Variants in GRM4 observed in about 807,000 individuals in gnomAD.
GRM4 encodes the protein metabotropic glutamate receptor 4.
In GRM4, 28 loss-of-function variants were observed where a neutral mutation model predicts 81.7. The observed-to-expected ratio is 0.34, with a 90% CI of 0.25 to 0.47. The LOEUF (loss-of-function observed/expected upper bound fraction) is 0.47, where lower values mean the gene tolerates loss of function less well. Among genes scored for constraint, GRM4 ranks in the 20% least tolerant of loss-of-function variants. The probability of loss-of-function intolerance (pLI) is 1.00; values close to 1 mark genes in which losing one functional copy is unlikely to be tolerated. For missense variants in GRM4, 948 were observed against 1,290.0 expected, an observed-to-expected ratio of 0.73 and a Z score of 4.06; for synonymous variants, 488 against 528.8, an observed-to-expected ratio of 0.92 and a Z score of 1.06.
At chr6:34,057,712 A>G (rs1471514743) in intron 5 of GRM4, among the ~76,000 whole-genome samples, 1 of 152,160 alleles carries the variant, frequency 6.6e-6, no homozygotes, top group African/African-American at 2.4e-5. Flanking sequence ...CTGAGAGAAA[A>G]AGTACTTGTC....
chr6:34,131,951 A>T (rs1383179878), intron 2 of GRM4, among the ~76,000 whole-genome samples: 1 of 150,990 alleles, frequency 6.6e-6, no homozygotes, highest in African/African-American at 2.5e-5. Context: ...CTACACACAC[A>T]AACATGCACA....
At chr6:34,062,099 C>T (rs966494758) in intron 3 of GRM4, 71 bp from the exon 4 acceptor site, 3 of 1,509,226 alleles carry the variant, frequency 2.0e-6, no homozygotes, top group African/African-American at 2.7e-5. Context: ...TCCCAACATA[C>T]ACTCCGGGAG....
chr6:34,056,741 C>A, intron 5 of GRM4, 57 bp from the exon 6 acceptor site: 1 of 1,567,284 alleles, frequency 6.4e-7, no homozygotes, highest in Non-Finnish European at 8.7e-7. Flanking sequence ...CCAGCCCCAG[C>A]CCTCCCCGCC....
rs536484736 is a variant in GRM4 at position 34,020,304 on chromosome 6, C to T, written c.*2517G>A. On this transcript the variant is annotated 3_prime_UTR_variant, in exon 11 of 11. Coordinates refer to ENST00000538487, the MANE Select transcript of GRM4 (RefSeq NM_000841.4). ...GGAGAGGTGATTCTCCTGTTAGAAC[C>T]TAGATGGGGGCCCCACAGATGTAGG... is the stretch of plus-strand genomic sequence containing the variant. 6.6e-6 allele frequency: 1 copy of T among 152,368 alleles called. No individual in the cohort carries two copies. Among genetic ancestry groups the T allele is most frequent in the South Asian group, 2.1e-4 (1 of 4,834 alleles). 9.4% of individuals were successfully genotyped at this position (152,368 alleles called of 1,614,324 possible). A position where few individuals can be genotyped will look rare whatever the true frequency, so the allele number is the denominator to read the frequency against.
chr6:34,050,413 TAATGAGTG>T (rs1765561004), intron 6 of GRM4, among the ~76,000 whole-genome samples: 1 of 152,190 alleles, frequency 6.6e-6, no homozygotes. Context: ...GTCCTCATGG[TAATGAGTG>T]AGTTCTCACT....
At chr6:34,091,705 A>G (rs1768226028) in intron 3 of GRM4, 178 bp downstream of exon 3, 3 of 599,882 alleles carry the variant, frequency 5.0e-6, no homozygotes, top group Non-Finnish European at 8.9e-6. Flanking sequence ...AGTCACCCAG[A>G]GCCCAGTGAG....
chr6:34,065,366 C>T, intron 3 of GRM4, among the ~76,000 whole-genome samples: 1 of 149,368 alleles, frequency 6.7e-6, no homozygotes, highest in East Asian at 2.0e-4. Flanking sequence ...CCCCAAGTCT[C>T]TCTCGTTGAA....
At chr6:34,056,968 T>A (rs943874914) in intron 5 of GRM4, among the ~76,000 whole-genome samples, 3 of 152,154 alleles carry the variant, frequency 2.0e-5, no homozygotes, top group African/African-American at 7.2e-5. Flanking sequence ...ACCGCTGCAA[T>A]GCTAACAGCG....
intron 2 of GRM4, chr6:34,100,038 C>T (rs1452811628): frequency 1.0e-6 from 1 of 983,410 alleles, no homozygotes; most frequent in African/African-American, 1.7e-5. Context: ...TTCCTCTGCT[C>T]TGTGGATTTA....
At position 34,136,464 on chromosome 6, in the gene GRM4, C is replaced by T. The variant is rs1770457012; in HGVS notation, c.-363-2605G>A. 6.6e-6 allele frequency among the ~76,000 whole-genome samples: 1 copy of T among 152,096 alleles called. No individual in the cohort carries two copies. Among genetic ancestry groups the T allele is most frequent in the Non-Finnish European group, 1.5e-5 (1 of 68,020 alleles). ...ACCAATGCACAGCAGCTTTTGAAGT[C>T]AGGCCCTGCTTAGGCTTCCAGATCC... On this transcript the variant is annotated intron_variant, in intron 1 of 10. Coordinates refer to ENST00000538487, the MANE Select transcript of GRM4 (RefSeq NM_000841.4). This position sits in a 1 kb window ranked among gnomAD's most constrained non-coding sequence, Gnocchi z 4.1.
At chr6:34,110,886 C>A in intron 2 of GRM4, 2 of 1,298,748 alleles carry the variant, frequency 1.5e-6, no homozygotes, top group Non-Finnish European at 2.0e-6. Context: ...AGGAAGTTCC[C>A]CCCAGGGCAG....
intron 2 of GRM4, among the ~76,000 whole-genome samples, chr6:34,097,429 CTGTG>C (rs759998974): frequency 1.7e-4 from 6 of 35,332 alleles, no homozygotes; most frequent in East Asian, 1.4e-3. Flanking sequence ...GTGTGCATGC[CTGTG>C]TGTGTGTGTG....
At chr6:34,037,313 C>T (rs973786903) in intron 8 of GRM4, among the ~76,000 whole-genome samples, 2 of 152,212 alleles carry the variant, frequency 1.3e-5, no homozygotes, top group African/African-American at 4.8e-5. Context: ...TAGAGCCACA[C>T]GAGTGTTGTC....
chr6:34,061,650 C>G (rs1283334837), intron 4 of GRM4: 11 of 431,908 alleles, frequency 2.5e-5, no homozygotes, highest in Non-Finnish European at 4.2e-6. Context: ...ACCCAGGTAG[C>G]CATCCCTAGC....
At chr6:34,101,912 G>C (rs758142512) in intron 2 of GRM4, 19 of 980,078 alleles carry the variant, frequency 1.9e-5, no homozygotes, top group Non-Finnish European at 2.5e-5. Context: ...GAGTGATCTC[G>C]TGGCCCCTGG....
In GRM4 at chr6:34,070,116, T is replaced by C. The variant is rs1581648191; in HGVS notation, c.737-8088A>G. Among the ~76,000 whole-genome samples, 3 of 151,706 alleles carry C rather than the reference T, an allele frequency of 2.0e-5. No homozygotes were observed. In the South Asian group the frequency reaches 6.3e-4, roughly 32 times the overall value. ...GCAGAGGCTCTGTAGGAGTTGGAGG[T>C]GAACACTCGCACCTGCTCACACGCT... On this transcript the variant is annotated intron_variant, in intron 3 of 10. Transcript: ENST00000538487. The surrounding 1 kb of genome is among the most constrained non-coding windows in gnomAD (Gnocchi z 4.6).
chr6:34,030,220 T>C (rs2127438128), intron 9 of GRM4, among the ~76,000 whole-genome samples: 1 of 152,366 alleles, frequency 6.6e-6, no homozygotes, highest in East Asian at 1.9e-4. Flanking sequence ...CATCTGGGTC[T>C]TCACCATGAG....
In GRM4 at chr6:34,064,659, G is replaced by A. The variant is rs1001972632; in HGVS notation, c.737-2631C>T. ...CTCAGGGGAGTGGGTAAAGGAACTG[G>A]CTCACAAGCCAGGCCCTCTCCTGGG... On this transcript the variant is annotated intron_variant, in intron 3 of 10. Coordinates refer to ENST00000538487, the MANE Select transcript of GRM4 (RefSeq NM_000841.4). This position sits in a 1 kb window ranked among gnomAD's most constrained non-coding sequence, Gnocchi z 4.4. Among the ~76,000 whole-genome samples, 2 of 152,168 alleles carry A rather than the reference G, an allele frequency of 1.3e-5. No individual in the cohort carries two copies. Among genetic ancestry groups the A allele is most frequent in the Non-Finnish European group, 2.9e-5 (2 of 68,006 alleles).
At position 34,130,249 on chromosome 6, in the gene GRM4, A is replaced by C. The variant is rs1178886007; in HGVS notation, c.519+2729T>G. ...AGCCTGGAACATTAAGGCTGTTAAA[A>C]GGGACCCAGGGAATGCAGGCCACAG... On this transcript the variant is annotated intron_variant, in intron 2 of 10. Transcript: ENST00000538487. The surrounding 1 kb of genome is among the most constrained non-coding windows in gnomAD (Gnocchi z 4.1). Among the ~76,000 whole-genome samples the C allele has an allele frequency of 4.6e-5, 7 of 152,212 alleles. No individual in the cohort carries two copies. Among genetic ancestry groups the C allele is most frequent in the Non-Finnish European group, 8.8e-5 (6 of 68,042 alleles).
Sources: gnomAD v4.1 joint callset for allele counts (sites outside exome capture counted in the v4.1 genomes callset) on GRCh38, gnomAD v4.1.1 for gene constraint, Gnocchi (gnomAD v3.1) non-coding constraint, MANE v1.5 for transcripts, NCBI Gene and HGNC (gene_info 2026-07-23, HGNC 2026-07-21) for gene names.